The following SLCO3A1 variants were observed in gnomAD, a reference collection of about 807,000 sequenced individuals.
SLCO3A1 encodes the protein PGE1 transporter.
SLCO3A1 carries 27 observed loss-of-function variants against 63.1 expected under a neutral mutation model. The ratio of observed to expected loss-of-function variants is 0.43; its 90% CI spans 0.32 to 0.59. The LOEUF is 0.59. Ranked by LOEUF, SLCO3A1 falls within the 20% of genes least tolerant of loss-of-function variation. The probability of loss-of-function intolerance (pLI) is 0.09; values close to 1 mark genes in which losing one functional copy is unlikely to be tolerated. For synonymous variants in SLCO3A1, 473 were observed against 409.9 expected, an observed-to-expected ratio of 1.15 and a Z score of -1.86; for missense variants, 773 against 945.8, an observed-to-expected ratio of 0.82 and a Z score of 2.40.
rs770104222 is a variant in SLCO3A1 at position 91,948,927 on chromosome 15, T to G, written c.646+32469T>G. Among the ~76,000 whole-genome samples the G allele has an allele frequency of 8.3e-6, 1 of 120,956 alleles. No individual in the cohort carries two copies. The highest frequency in any genetic ancestry group is 2.6e-4 in the South Asian group (1 of 3,854). 79.4% of individuals were successfully genotyped at this position (120,956 alleles called of 152,430 possible). On this transcript the variant is annotated intron_variant, in intron 2 of 9. Transcript: ENST00000318445. The surrounding 1 kb of genome is among the most constrained non-coding windows in gnomAD (Gnocchi z 4.8). Reference sequence around the variant, plus strand: ...ATCCATTTAGGAATCAATACTTTGGTTTTTTTTTTTTTACTATTATTTCTG... The same window carrying G: ...ATCCATTTAGGAATCAATACTTTGGGTTTTTTTTTTTTACTATTATTTCTG...
chr15:92,102,099 G>T (rs1234569109), intron 3 of SLCO3A1, among the ~76,000 whole-genome samples: 1 of 152,028 alleles, frequency 6.6e-6, no homozygotes, highest in African/African-American at 2.4e-5. Context: ...ACATCTGCCA[G>T]CTTTTCAATT....
chr15:91,872,483 G>A lies in SLCO3A1; in HGVS notation c.180+18395G>A, dbSNP rs933417307. Among the ~76,000 whole-genome samples, 3 of 151,698 alleles carry A rather than the reference G, an allele frequency of 2.0e-5. No individual in the cohort carries two copies. ...GGAGGCGGATAGGTTGCAGTGAGCC[G>A]AGACCATGCCACCGCACTCCAGCCA... On this transcript the variant is annotated intron_variant, in intron 1 of 9. Coordinates refer to ENST00000318445, the MANE Select transcript of SLCO3A1 (RefSeq NM_013272.4). The surrounding 1 kb of genome is among the most constrained non-coding windows in gnomAD (Gnocchi z 4.1).
chr15:91,992,538 T>C (rs1334950491), intron 2 of SLCO3A1, among the ~76,000 whole-genome samples: 1 of 152,216 alleles, frequency 6.6e-6, no homozygotes, highest in Non-Finnish European at 1.5e-5. Flanking sequence ...TTCTAAACCA[T>C]GTTAGCATCT....
chr15:92,041,068 T>A (rs1277091360), intron 2 of SLCO3A1, among the ~76,000 whole-genome samples: 1 of 152,112 alleles, frequency 6.6e-6, no homozygotes, highest in Non-Finnish European at 1.5e-5. Context: ...TTTTGAGCAT[T>A]AAATTGAATG....
chr15:92,063,528 C>T (rs2047111188), intron 2 of SLCO3A1, among the ~76,000 whole-genome samples: 2 of 152,154 alleles, frequency 1.3e-5, no homozygotes, highest in South Asian at 2.1e-4. Flanking sequence ...AGTTAAACTC[C>T]ACCTGCAGTT....
At chr15:92,168,003 CCTTTA>C (rs1340117215), downstream of SLCO3A1, among the ~76,000 whole-genome samples, 2 of 152,100 alleles carry the variant, frequency 1.3e-5, no homozygotes, top group African/African-American at 2.4e-5. Flanking sequence ...TTTTTTCATT[CCTTTA>C]CTTAAAATTT....
intron 2 of SLCO3A1, among the ~76,000 whole-genome samples, chr15:92,058,156 AGAGT>A (rs578215049): frequency 3.8e-4 from 57 of 151,466 alleles, no homozygotes; most frequent in Admixed American, 1.2e-3. Context: ...TATAAGCGTG[AGAGT>A]GTGTGAGTGT....
chr15:92,041,147 C>T (rs1489983639), intron 2 of SLCO3A1, among the ~76,000 whole-genome samples: 1 of 152,138 alleles, frequency 6.6e-6, no homozygotes, highest in Non-Finnish European at 1.5e-5. Flanking sequence ...AGCCCCCTTC[C>T]CTTGTAACAA....
At chr15:92,061,232 A>G (rs569203625) in intron 2 of SLCO3A1, among the ~76,000 whole-genome samples, 7 of 152,238 alleles carry the variant, frequency 4.6e-5, no homozygotes, top group Middle Eastern at 3.4e-3. Context: ...CTCTCCTTCC[A>G]TGAGTCTAGG....
chr15:92,148,716 A>C (rs1226962959), intron 8 of SLCO3A1: 1 of 152,220 alleles, frequency 6.6e-6, no homozygotes, highest in African/African-American at 2.4e-5. Flanking sequence ...TATCTTAAAA[A>C]AGTACTCCTT....
At chr15:91,910,266 C>T (rs1898442884) in intron 1 of SLCO3A1, among the ~76,000 whole-genome samples, 2 of 152,184 alleles carry the variant, frequency 1.3e-5, no homozygotes, top group South Asian at 2.1e-4. Flanking sequence ...TATATTCCTC[C>T]ACACACAGCC....
rs375609087 is a variant in SLCO3A1, at chr15:92,163,117, C to T, written c.2115C>T (p.Asn705=). ...YNLEDHEWCE[N]MESVL ...TGGAAGACCATGAGTGGTGTGAAAA[C>T]ATGGAGTCCGTTTTATAGTGACTAA... The change falls in exon 10 of 10, where the codon AAC becomes AAT. Residue 705 remains asparagine (N), a synonymous_variant. Coordinates refer to ENST00000318445, the MANE Select transcript of SLCO3A1 (RefSeq NM_013272.4). 25 of 1,524,206 alleles carry T rather than the reference C, an allele frequency of 1.6e-5. No individual in the cohort carries two copies. Among genetic ancestry groups the T allele is most frequent in the Middle Eastern group, 1.8e-4 (1 of 5,636 alleles). 94.4% of individuals were successfully genotyped at this position (1,524,206 alleles called of 1,614,324 possible). A position where few individuals can be genotyped will look rare whatever the true frequency, so the allele number is the denominator to read the frequency against.
intron 2 of SLCO3A1, among the ~76,000 whole-genome samples, chr15:92,086,553 T>C (rs1467481353): frequency 1.3e-5 from 2 of 152,228 alleles, no homozygotes; most frequent in African/African-American, 4.8e-5. Flanking sequence ...GTTGCACATG[T>C]ATTTTCCCAC....
At position 92,017,290 on chromosome 15, in the gene SLCO3A1, G is replaced by C. The variant is rs183260058; in HGVS notation, c.647-77591G>C. Among the ~76,000 whole-genome samples the C allele has an allele frequency of 2.8e-3, 419 of 152,234 alleles. 3 individuals carry two copies. Among genetic ancestry groups the C allele is most frequent in the African/African-American group, 9.2e-3 (382 of 41,548 alleles). ...TGAGTTGGAGGAGCTGGGATTGGGG[G>C]GGGGTAGGGAAAGAGCAGGTGGCAT... On this transcript the variant is annotated intron_variant, in intron 2 of 9. Coordinates refer to ENST00000318445, the MANE Select transcript of SLCO3A1 (RefSeq NM_013272.4).
chr15:92,079,949 C>T, intron 2 of SLCO3A1, among the ~76,000 whole-genome samples: 1 of 152,266 alleles, frequency 6.6e-6, no homozygotes, highest in East Asian at 1.9e-4. Flanking sequence ...GGCTCACACA[C>T]AGAATGCGGG....
intron 2 of SLCO3A1, among the ~76,000 whole-genome samples, chr15:92,070,026 G>A (rs749910193): frequency 8.5e-5 from 13 of 152,318 alleles, no homozygotes; most frequent in East Asian, 3.9e-4. Flanking sequence ...ATTCTGTTGC[G>A]TTGGCATCAG....
chr15:91,963,883 G>GC (rs1219882916), intron 2 of SLCO3A1, among the ~76,000 whole-genome samples: 8 of 152,136 alleles, frequency 5.3e-5, no homozygotes, highest in African/African-American at 1.9e-4. Context: ...CAAGCAGGTT[G>GC]CCGCTGCTAT....
chr15:91,913,810 G>A (rs985461693), intron 1 of SLCO3A1, among the ~76,000 whole-genome samples: 1 of 152,074 alleles, frequency 6.6e-6, no homozygotes, highest in Admixed American at 6.6e-5. Context: ...ACACCCGGTT[G>A]GTCAGCAGAT....
downstream of SLCO3A1, among the ~76,000 whole-genome samples, chr15:92,168,674 A>C (rs2048506169): frequency 6.6e-6 from 1 of 152,112 alleles, no homozygotes; most frequent in Non-Finnish European, 1.5e-5. Context: ...ATAGGAAGGG[A>C]CCCTGAGCTA....
Sources: allele counts gnomAD v4.1 joint callset (sites outside exome capture counted in the v4.1 genomes callset), GRCh38; gene constraint gnomAD v4.1.1; non-coding constraint Gnocchi (gnomAD v3.1); transcripts MANE v1.5; gene names NCBI Gene and HGNC (gene_info 2026-07-23, HGNC 2026-07-21).